The following MAP3K19 variants were observed in gnomAD, a reference collection of about 807,000 sequenced individuals.
MAP3K19 encodes mitogen-activated protein kinase kinase kinase 19.
In MAP3K19, 91 loss-of-function variants were observed where a neutral mutation model predicts 114.4. The observed-to-expected ratio is 0.80, with a 90% CI of 0.67 to 0.95. The LOEUF is 0.95. Ranked by LOEUF, MAP3K19 falls within the 40% of genes least tolerant of loss-of-function variation. The pLI, the probability that MAP3K19 is intolerant of heterozygous loss-of-function variation, is 0.00. For synonymous variants in MAP3K19, 518 were observed against 530.5 expected, an observed-to-expected ratio of 0.98 and a Z score of 0.32; for missense variants, 1,471 against 1,573.2, an observed-to-expected ratio of 0.94 and a Z score of 1.10.
At chr2:134,985,694 A>G in intron 10 of MAP3K19, 106 bp downstream of exon 10, 1 of 1,029,646 alleles carries the variant, frequency 9.7e-7, no homozygotes, top group Non-Finnish European at 1.4e-6. Context: ...AAAACTATTT[A>G]ATTGTTTAGG....
rs1466231749 is a variant in MAP3K19 at position 134,991,520 on chromosome 2, G to A, written c.618+17C>T. 6.4e-7 allele frequency: 1 copy of A among 1,573,480 alleles called. No homozygotes were observed. Among genetic ancestry groups the A allele is most frequent in the Non-Finnish European group, 8.7e-7 (1 of 1,146,858 alleles). ...TGGTTTTAATTCTCAAGTCAAAAAT[G>A]CTAGCACTAATCTTACCTTGATGCT... On this transcript the variant is annotated intron_variant, in intron 9 of 12. Transcript: ENST00000392915.
At chr2:135,020,404 G>T (rs1687886823) in intron 5 of MAP3K19, among the ~76,000 whole-genome samples, 1 of 152,126 alleles carries the variant, frequency 6.6e-6, no homozygotes, top group South Asian at 2.1e-4. Context: ...ACTGAGGCCT[G>T]AAACTCCTGG....
intron 6 of MAP3K19, among the ~76,000 whole-genome samples, chr2:135,000,913 G>T (rs1350612334): frequency 6.6e-6 from 1 of 152,102 alleles, no homozygotes; most frequent in Non-Finnish European, 1.5e-5. Context: ...GGGAGGATAA[G>T]GTTAAGGTGT....
chr2:134,988,498 C>A (rs964511557), intron 9 of MAP3K19, among the ~76,000 whole-genome samples: 1 of 152,112 alleles, frequency 6.6e-6, no homozygotes, highest in Non-Finnish European at 1.5e-5. Flanking sequence ...TCAAGCGATC[C>A]TCCCACCTCA....
intron 5 of MAP3K19, among the ~76,000 whole-genome samples, chr2:135,013,810 A>G (rs1458400588): frequency 6.6e-6 from 1 of 151,674 alleles, no homozygotes; most frequent in Non-Finnish European, 1.5e-5. Context: ...TAGAGTTGCT[A>G]ATTAGCTGAA....
rs1275966630 is a variant in MAP3K19 at position 134,987,657 on chromosome 2, G to C, written c.1215C>G (p.Ser405Arg). 1.3e-5 allele frequency: 21 copies of C among 1,613,878 alleles called. No individual in the cohort carries two copies. The highest frequency in any genetic ancestry group is 1.7e-5 in the Non-Finnish European group (20 of 1,180,012). ...QETQHSEITPSQDEEMRNNKA... is the reference protein window; with the variant it reads ...QETQHSEITPRQDEEMRNNKA... ...TATTATTTCTCATCTCTTCATCCTG[G>C]CTTGGAGTTATTTCTGAATGCTGGG... The change falls in exon 10 of 13, where the codon AGC (serine) becomes AGG (arginine). Residue 405 changes from serine to arginine, a missense_variant. Physicochemically the swap from Ser to Arg is moderately radical, Grantham distance 110. Transcript: ENST00000392915.
rs1685291794 is a variant in MAP3K19, at chr2:134,988,036, G to A, written c.836C>T (p.Ser279Phe). The A allele has an allele frequency of 1.2e-6, 2 of 1,613,892 alleles. No homozygotes were observed. The highest frequency in any genetic ancestry group is 2.7e-5 in the African/African-American group (2 of 74,890). The change falls in exon 10 of 13, where the codon TCT becomes TTT. Residue 279 changes from serine to phenylalanine, a missense_variant. By Grantham distance (155) the Ser-to-Phe change is radical. Coordinates refer to ENST00000392915, the MANE Select transcript of MAP3K19 (RefSeq NM_025052.5). ...TCTTGACCAAATGAAGCCATCAGAAGACCTGAGAGTCGGATCCATCAACGA... is the reference window on the plus strand; with the variant it reads ...TCTTGACCAAATGAAGCCATCAGAAAACCTGAGAGTCGGATCCATCAACGA... ...VKSLMDPTLR[S>F]SDGFIWSRNM...
At chr2:135,021,946 T>C in intron 4 of MAP3K19, 116 bp from the exon 5 acceptor site, 1 of 606,406 alleles carries the variant, frequency 1.6e-6, no homozygotes, top group South Asian at 2.4e-5. Flanking sequence ...TTTCCTGAAA[T>C]AGTGGTCTGG....
intron 8 of MAP3K19, among the ~76,000 whole-genome samples, chr2:134,996,824 C>T (rs1211099668): frequency 6.6e-6 from 1 of 152,040 alleles, no homozygotes; most frequent in Admixed American, 6.6e-5. Flanking sequence ...CACTTTAGCC[C>T]AAGAGTTCAG....
chr2:135,024,134 C>A (rs575531328), intron 4 of MAP3K19, among the ~76,000 whole-genome samples: 1 of 152,300 alleles, frequency 6.6e-6, no homozygotes, highest in African/African-American at 2.4e-5. Flanking sequence ...TTTCATGAAA[C>A]CTTCTTAGGT....
In MAP3K19 at chr2:134,999,042, T is replaced by C. The variant is rs756659885; in HGVS notation, c.315-45A>G. ...TTTGATTTAAAACTCAGTTGCCACA[T>C]CTTCTGGATCTCCAGTCCTCAGTTC... is the stretch of plus-strand genomic sequence containing the variant. On this transcript the variant is annotated intron_variant, in intron 7 of 12. Transcript: ENST00000392915. The surrounding 1 kb of genome is among the most constrained non-coding windows in gnomAD (Gnocchi z 4.1). The C allele has an allele frequency of 6.3e-7, 1 of 1,580,764 alleles. No homozygotes were observed. Among genetic ancestry groups the C allele is most frequent in the Non-Finnish European group, 8.6e-7 (1 of 1,164,608 alleles).
chr2:134,984,249 A>G (rs1684927799), intron 10 of MAP3K19, among the ~76,000 whole-genome samples: 2 of 152,156 alleles, frequency 1.3e-5, no homozygotes, highest in Non-Finnish European at 2.9e-5. Context: ...GCTCCTAAAC[A>G]CAGACAAGTT....
intron 3 of MAP3K19, among the ~76,000 whole-genome samples, chr2:135,029,264 T>A (rs931978786): frequency 1.3e-5 from 2 of 152,130 alleles, no homozygotes; most frequent in African/African-American, 4.8e-5. Context: ...TAGTCCCAGC[T>A]ACTCCAGAGG....
intron 12 of MAP3K19, 118 bp downstream of exon 12, chr2:134,980,703 G>C: frequency 1.2e-6 from 1 of 862,678 alleles, no homozygotes; most frequent in East Asian, 2.7e-5. Context: ...CAAAATCACT[G>C]TCTACTTGAC....
At chr2:135,021,865 G>T (rs750909756) in intron 4 of MAP3K19, 35 bp from the exon 5 acceptor site, 4 of 1,301,222 alleles carry the variant, frequency 3.1e-6, no homozygotes, top group Non-Finnish European at 4.3e-6. Context: ...GTTTTGATAA[G>T]ATTCATCTCC....
chr2:134,986,207 T>C lies in MAP3K19; in HGVS notation c.2665A>G (p.Asn889Asp), dbSNP rs748592003. The C allele has an allele frequency of 6.2e-7, 1 of 1,613,898 alleles. No homozygotes were observed. The highest frequency in any genetic ancestry group is 1.7e-5 in the Admixed American group (1 of 59,982). ...GAAACACTATCAAACTCTAGATCAT[T>C]AGTTAAAATTCGGCTGGCATTTACT... is the stretch of plus-strand genomic sequence containing the variant. Reference protein sequence around the residue: ...SKVNASRILTNDLEFDSVSDH... With the variant: ...SKVNASRILTDDLEFDSVSDH... The change falls in exon 10 of 13, where the codon AAT becomes GAT. Residue 889 changes from asparagine (N) to aspartate (D), a missense_variant. Asn to Asp is a conservative substitution (Grantham distance 23). Coordinates refer to ENST00000392915, the MANE Select transcript of MAP3K19 (RefSeq NM_025052.5).
intron 11 of MAP3K19, chr2:134,983,261 A>G (rs759512950): frequency 1.9e-6 from 1 of 535,950 alleles, no homozygotes; most frequent in Admixed American, 1.9e-5. Flanking sequence ...CCATCTAGTA[A>G]TGATTCTCCA....
rs1300568452 is a variant in MAP3K19 at position 134,986,390 on chromosome 2, G to A, written c.2482C>T (p.Gln828Ter). 8.7e-6 allele frequency: 14 copies of A among 1,613,846 alleles called. No individual in the cohort carries two copies. Among genetic ancestry groups the A allele is most frequent in the Non-Finnish European group, 1.2e-5 (14 of 1,179,994 alleles). Residue 828 changes from glutamine to a stop codon, truncating the protein, a stop_gained, in exon 10 of 13, where the codon CAA becomes TAA. Coordinates refer to ENST00000392915, the MANE Select transcript of MAP3K19 (RefSeq NM_025052.5). LOFTEE classifies it high-confidence loss of function. ...STGDRDISNN[Q>*]ILTTSLRDLQ... ...TCTCTGAGGCTTGTGGTGAGTATTT[G>A]ATTGTTAGAAATGTCTCTATCACCA...
chr2:135,019,925 C>A (rs1687855143), intron 5 of MAP3K19, among the ~76,000 whole-genome samples: 1 of 152,162 alleles, frequency 6.6e-6, no homozygotes. Context: ...AGTCATTCAT[C>A]ATAGACAGAA....
Sources: allele counts gnomAD v4.1 joint callset (sites outside exome capture counted in the v4.1 genomes callset), GRCh38; gene constraint gnomAD v4.1.1; non-coding constraint Gnocchi (gnomAD v3.1); transcripts MANE v1.5; gene names NCBI Gene and HGNC (gene_info 2026-07-23, HGNC 2026-07-21).